Variants in UNC5C observed in about 807,000 individuals in gnomAD.
UNC5C encodes netrin receptor UNC5C.
A neutral mutation model predicts 99.8 loss-of-function variants in UNC5C; 47 were observed. The observed-to-expected ratio is 0.47, with a 90% confidence interval of 0.37 to 0.60. The LOEUF (loss-of-function observed/expected upper bound fraction) is 0.60. UNC5C is among the 20% of genes least tolerant of loss of function. UNC5C has a pLI of 0.00. For synonymous variants in UNC5C, 487 were observed against 452.2 expected (o/e 1.08, Z -0.98); for missense variants, 1,062 against 1,165.9 (o/e 0.91, Z 1.30).
At chr4:95,228,198 A>T (rs1321207788) in intron 7 of UNC5C, among the ~76,000 whole-genome samples, 1 of 152,192 alleles carries the variant, frequency 6.6e-6, no homozygotes, top group Non-Finnish European at 1.5e-5. Flanking sequence ...CAGAAACAAA[A>T]TGTAAATCTT....
intron 1 of UNC5C, among the ~76,000 whole-genome samples, chr4:95,414,932 T>C (rs1406395870): frequency 6.6e-6 from 1 of 152,198 alleles, no homozygotes; most frequent in African/African-American, 2.4e-5. Context: ...GACCTTTCTT[T>C]TACAAGTGGG....
At chr4:95,324,243 T>C (rs1374803955) in intron 2 of UNC5C, among the ~76,000 whole-genome samples, 2 of 151,992 alleles carry the variant, frequency 1.3e-5, no homozygotes, top group Non-Finnish European at 1.5e-5. Context: ...TAGATTCTCA[T>C]AGGAGCACAA....
At chr4:95,476,196 C>T (rs181777125) in intron 1 of UNC5C, among the ~76,000 whole-genome samples, 12 of 152,194 alleles carry the variant, frequency 7.9e-5, no homozygotes, top group Admixed American at 1.3e-4. Flanking sequence ...TCCCTCTGGG[C>T]TCATTGCAGA....
intron 1 of UNC5C, among the ~76,000 whole-genome samples, chr4:95,391,990 G>C (rs1472906057): frequency 6.6e-6 from 1 of 152,132 alleles, no homozygotes. Flanking sequence ...CCCAGACGTC[G>C]AGGCTGCAGT....
intron 1 of UNC5C, among the ~76,000 whole-genome samples, chr4:95,356,218 CAAAAAAAAAA>C (rs1560801833): frequency 7.3e-5 from 6 of 81,782 alleles, no homozygotes; most frequent in African/African-American, 2.8e-4. Context: ...AAAAACAAAA[CAAAAAAAAAA>C]CAGATTCCTC....
At chr4:95,467,482 T>C (rs778715724) in intron 1 of UNC5C, among the ~76,000 whole-genome samples, 22 of 152,170 alleles carry the variant, frequency 1.4e-4, no homozygotes, top group Non-Finnish European at 2.9e-4. Flanking sequence ...TCTTTTCACA[T>C]TATCACTGGA....
At chr4:95,216,091 G>A in intron 10 of UNC5C, 33 bp downstream of exon 10, 1 of 1,571,530 alleles carries the variant, frequency 6.4e-7, no homozygotes, top group Non-Finnish European at 8.7e-7. Context: ...TTAGACATTG[G>A]TAAAGTCAGT....
At chr4:95,403,065 G>T (rs1232847250) in intron 1 of UNC5C, among the ~76,000 whole-genome samples, 1 of 152,054 alleles carries the variant, frequency 6.6e-6, no homozygotes, top group African/African-American at 2.4e-5. Context: ...TCACAGTCTT[G>T]GGGGAAGAAA....
intron 2 of UNC5C, among the ~76,000 whole-genome samples, chr4:95,312,782 A>T (rs944518142): frequency 6.6e-6 from 1 of 152,134 alleles, no homozygotes; most frequent in Non-Finnish European, 1.5e-5. Context: ...CCATCCATAT[A>T]TTGAAGGCAT....
chr4:95,284,160 A>G (rs1001276314), intron 3 of UNC5C, among the ~76,000 whole-genome samples: 1 of 152,164 alleles, frequency 6.6e-6, no homozygotes, highest in Non-Finnish European at 1.5e-5. Context: ...GCTACAAATT[A>G]GCTGTGATGC....
chr4:95,453,091 C>T (rs1361898117), intron 1 of UNC5C, among the ~76,000 whole-genome samples: 2 of 152,098 alleles, frequency 1.3e-5, no homozygotes, highest in East Asian at 1.9e-4. Flanking sequence ...CTCCCTTTTC[C>T]ATAGGCCGTC....
intron 12 of UNC5C, among the ~76,000 whole-genome samples, chr4:95,199,602 A>G (rs1737571506): frequency 6.6e-6 from 1 of 152,182 alleles, no homozygotes; most frequent in African/African-American, 2.4e-5. Flanking sequence ...GGGTTCACTA[A>G]TTATAATAAT....
intron 1 of UNC5C, among the ~76,000 whole-genome samples, chr4:95,380,940 T>C (rs1192308122): frequency 6.6e-6 from 1 of 152,172 alleles, no homozygotes; most frequent in African/African-American, 2.4e-5. Flanking sequence ...AATTTTACCA[T>C]ACCAATTTAA....
intron 1 of UNC5C, among the ~76,000 whole-genome samples, chr4:95,403,088 C>T (rs1202116804): frequency 6.6e-6 from 1 of 151,990 alleles, no homozygotes; most frequent in African/African-American, 2.4e-5. Context: ...GAAAATTAGA[C>T]ACGTGGGCCA....
chr4:95,509,668 AG>A (rs1203133613), intron 1 of UNC5C, among the ~76,000 whole-genome samples: 1 of 151,894 alleles, frequency 6.6e-6, no homozygotes. Context: ...AATTCTTGAG[AG>A]AAAAATACAT....
intron 7 of UNC5C, among the ~76,000 whole-genome samples, chr4:95,225,088 G>C (rs746608485): frequency 6.6e-6 from 1 of 152,142 alleles, no homozygotes; most frequent in South Asian, 2.1e-4. Flanking sequence ...GAGGAGTCTT[G>C]CTCTGTCACC....
At position 95,288,274 on chromosome 4, in the gene UNC5C, G is replaced by A. The variant is rs533678564; in HGVS notation, c.491-9912C>T. Among the ~76,000 whole-genome samples the A allele has an allele frequency of 2.2e-4, 33 of 151,928 alleles. 1 individual carries two copies. The highest frequency in any genetic ancestry group is 8.5e-4 in the Admixed American group (13 of 15,236). On this transcript the variant is annotated intron_variant, in intron 3 of 15. Transcript: ENST00000453304. Reference sequence around the variant, plus strand: ...ATTTTTTTGTATTTTTAGTAGAGACGGGGTTTCACCGTGCCAGCCAGGATG... The same window carrying A: ...ATTTTTTTGTATTTTTAGTAGAGACAGGGTTTCACCGTGCCAGCCAGGATG...
chr4:95,217,472 AT>A (rs1256556644), intron 9 of UNC5C, among the ~76,000 whole-genome samples: 2 of 152,148 alleles, frequency 1.3e-5, no homozygotes, highest in Non-Finnish European at 2.9e-5. Flanking sequence ...CAGTGCTTTT[AT>A]TTTTTTCATT....
chr4:95,248,944 A>ACTCACCT, intron 5 of UNC5C, among the ~76,000 whole-genome samples: 1 of 152,268 alleles, frequency 6.6e-6, no homozygotes, highest in South Asian at 2.1e-4. Context: ...ACTCACCCAG[A>ACTCACCT]GCAACTTCCA....
Sources: gnomAD v4.1 joint callset for allele counts (sites outside exome capture counted in the v4.1 genomes callset) on GRCh38, gnomAD v4.1.1 for gene constraint, MANE v1.5 for transcripts, NCBI Gene and HGNC (gene_info 2026-07-23, HGNC 2026-07-21) for gene names.